PCNX1: variants seen among roughly 807,000 people sequenced by gnomAD.
PCNX1 encodes pecanex-like protein 1.
A neutral mutation model predicts 242.2 loss-of-function variants in PCNX1; 78 were observed. The ratio of observed to expected loss-of-function variants is 0.32; its 90% confidence interval spans 0.27 to 0.39. PCNX1 has a LOEUF of 0.39. Among genes scored for constraint, PCNX1 ranks in the 10% least tolerant of loss-of-function variants. The pLI is 1.00. For missense variants in PCNX1, 2,581 were observed against 2,856.5 expected (o/e 0.90, Z 2.20); for synonymous variants, 1,024 against 1,032.9 (o/e 0.99, Z 0.17).
intron 22 of PCNX1, chr14:71,048,876 CAA>C (rs2060942851): frequency 5.1e-6 from 1 of 197,502 alleles, no homozygotes; most frequent in Admixed American, 6.5e-5. Flanking sequence ...TTAATTTGAG[CAA>C]AGTTTCATTG....
chr14:71,105,638 G>A (rs1053435851), intron 33 of PCNX1, among the ~76,000 whole-genome samples, 198 bp downstream of exon 33: 2 of 151,652 alleles, frequency 1.3e-5, no homozygotes, highest in Non-Finnish European at 2.9e-5. Context: ...CGCCTCCCGG[G>A]TTCATGCCAT....
rs1345809221 is a variant in PCNX1, at chr14:71,011,547, G to A, written c.2776G>A (p.Val926Met). The A allele has an allele frequency of 1.3e-6, 2 of 1,515,676 alleles. No individual in the cohort carries two copies. The highest frequency in any genetic ancestry group is 1.4e-5 in the African/African-American group (1 of 72,442). The allele number at this position is 1,515,676 out of a possible 1,614,324, so 93.9% of individuals were successfully genotyped here. A position where few individuals can be genotyped will look rare whatever the true frequency, so the allele number is the denominator to read the frequency against. The change falls in exon 10 of 36, where the codon GTG (valine) becomes ATG (methionine). Residue 926 changes from valine (V) to methionine (M), a missense_variant and splice_region_variant. By Grantham distance (21) the Val-to-Met change is conservative. Coordinates refer to ENST00000304743, the MANE Select transcript of PCNX1 (RefSeq NM_014982.3). ...STSVRFYPHD[V>M]LSLPQIRLNR... ...CTCAGTTCGATTTTATCCACATGAT[G>A]TGGTAGGTTTTTCTTTATTTTTACA...
intron 2 of PCNX1, among the ~76,000 whole-genome samples, chr14:70,949,835 T>C (rs974504920): frequency 2.6e-5 from 4 of 152,222 alleles, no homozygotes; most frequent in African/African-American, 7.2e-5. Context: ...ACCCCTAATA[T>C]AACTCTTGGA....
chr14:70,973,069 T>C (rs2058588635), intron 5 of PCNX1, among the ~76,000 whole-genome samples: 2 of 151,880 alleles, frequency 1.3e-5, no homozygotes, highest in African/African-American at 4.8e-5. Context: ...CTGGGCAACA[T>C]GGTGAAGCCC....
At chr14:70,992,945 C>T (rs926947273) in intron 7 of PCNX1, among the ~76,000 whole-genome samples, 12 of 151,996 alleles carry the variant, frequency 7.9e-5, no homozygotes, top group Non-Finnish European at 1.3e-4. Context: ...TTTCCTCTTC[C>T]GAACCATATT....
Position 71,108,786 on chromosome 14 carries a change from C to G in PCNX1, c.6484C>G (p.Pro2162Ala). 6.2e-7 allele frequency: 1 copy of G among 1,614,222 alleles called. No homozygotes were observed. Among genetic ancestry groups the G allele is most frequent in the Non-Finnish European group, 8.5e-7 (1 of 1,180,030 alleles). ...TAGTCAGATATCGCTTCGAAACTTG[C>G]CATCATCCATCCAATCCCGACTGTC... Reference protein sequence around the residue: ...STSQISLRNLPSSIQSRLSMV... With the variant: ...STSQISLRNLASSIQSRLSMV... Residue 2162 changes from proline (P) to alanine (A), a missense_variant, in exon 34 of 36, where the codon CCA becomes GCA. Coordinates refer to ENST00000304743, the MANE Select transcript of PCNX1 (RefSeq NM_014982.3).
intron 26 of PCNX1, among the ~76,000 whole-genome samples, chr14:71,065,626 C>A (rs1236824982): frequency 2.0e-5 from 3 of 151,954 alleles, no homozygotes; most frequent in African/African-American, 7.2e-5. Context: ...TAGTTTAGAT[C>A]CCATTTGTCT....
chr14:71,009,419 C>T (rs574631420), intron 8 of PCNX1, among the ~76,000 whole-genome samples: 3 of 152,262 alleles, frequency 2.0e-5, no homozygotes, highest in Non-Finnish European at 4.4e-5. Context: ...CCTTTTAATA[C>T]CTGATTATGT....
intron 11 of PCNX1, 77 bp downstream of exon 11, chr14:71,013,279 G>A: frequency 1.8e-6 from 2 of 1,088,098 alleles, no homozygotes; most frequent in Non-Finnish European, 2.9e-6. Context: ...ACCCACTGAG[G>A]TTTTTACCTG....
intron 19 of PCNX1, among the ~76,000 whole-genome samples, chr14:71,037,575 A>C (rs1419556142): frequency 6.6e-6 from 1 of 150,416 alleles, no homozygotes; most frequent in Non-Finnish European, 1.5e-5. Context: ...GGCTCTGTTT[A>C]TATGCTGGAT....
intron 30 of PCNX1, among the ~76,000 whole-genome samples, chr14:71,098,266 CT>C (rs1311257070): frequency 1.3e-5 from 2 of 151,996 alleles, no homozygotes; most frequent in African/African-American, 4.8e-5. Context: ...TGTTCAGGCT[CT>C]TTTTTTGCTT....
At chr14:70,990,319 T>C (rs1460222321) in intron 7 of PCNX1, among the ~76,000 whole-genome samples, 3 of 152,136 alleles carry the variant, frequency 2.0e-5, no homozygotes, top group African/African-American at 7.2e-5. Context: ...CCCAGCACTT[T>C]GGGAGGCTGA....
intron 1 of PCNX1, among the ~76,000 whole-genome samples, chr14:70,932,903 C>T (rs1197655927): frequency 1.3e-5 from 2 of 151,986 alleles, no homozygotes; most frequent in South Asian, 2.1e-4. Context: ...TGAGCCACCA[C>T]GCCCGGCCAA....
intron 19 of PCNX1, among the ~76,000 whole-genome samples, chr14:71,041,685 C>T (rs1165718099): frequency 6.6e-6 from 1 of 151,794 alleles, no homozygotes; most frequent in Non-Finnish European, 1.5e-5. Context: ...ATTTTAATTT[C>T]GTTTATTTCT....
At chr14:71,002,486 C>T (rs1304622240) in intron 8 of PCNX1, among the ~76,000 whole-genome samples, 1 of 152,166 alleles carries the variant, frequency 6.6e-6, no homozygotes, top group Admixed American at 6.5e-5. Flanking sequence ...TTTCTGTCAC[C>T]TTCAAAAAAT....
At chr14:71,098,709 G>C (rs1566802447) in intron 30 of PCNX1, among the ~76,000 whole-genome samples, 2 of 152,150 alleles carry the variant, frequency 1.3e-5, no homozygotes, top group African/African-American at 4.8e-5. Flanking sequence ...CTTTTTGGCA[G>C]AGTCTTCTGG....
At chr14:70,953,035 AG>A (rs1315864552) in intron 2 of PCNX1, among the ~76,000 whole-genome samples, 1 of 151,984 alleles carries the variant, frequency 6.6e-6, no homozygotes, top group African/African-American at 2.4e-5. Flanking sequence ...TGGGAGGGAG[AG>A]ATGGGAGGAC....
chr14:70,944,290 A>C (rs909921777), intron 1 of PCNX1, among the ~76,000 whole-genome samples: 1 of 152,242 alleles, frequency 6.6e-6, no homozygotes, highest in African/African-American at 2.4e-5. Flanking sequence ...GGAGCTGTCC[A>C]AGGCCATGGG....
chr14:71,089,843 A>G (rs1566793853), intron 30 of PCNX1, among the ~76,000 whole-genome samples: 1 of 152,196 alleles, frequency 6.6e-6, no homozygotes, highest in East Asian at 1.9e-4. Flanking sequence ...TAAAAGAAAA[A>G]TGTGACTTCA....
Sources: allele counts gnomAD v4.1 joint callset (sites outside exome capture counted in the v4.1 genomes callset), GRCh38; gene constraint gnomAD v4.1.1; transcripts MANE v1.5; gene names NCBI Gene and HGNC (gene_info 2026-07-23, HGNC 2026-07-21).